Variants in OCIAD1 observed in about 807,000 individuals in gnomAD.
OCIAD1 encodes OCIA domain containing 1, also known as OCIA domain-containing protein 1.
OCIAD1 carries 29 observed loss-of-function variants against 38.9 expected under a neutral mutation model. The observed-to-expected ratio is 0.74, with a 90% CI of 0.55 to 1.02. OCIAD1 has a LOEUF of 1.02. OCIAD1 is among the 50% of genes least tolerant of loss of function. The pLI is 0.00. For synonymous variants in OCIAD1, 110 were observed against 92.0 expected (o/e 1.20, Z -1.12); for missense variants, 288 against 289.6 (o/e 0.99, Z 0.04).
intron 5 of OCIAD1, 105 bp downstream of exon 5, chr4:48,848,551 C>T: frequency 1.0e-5 from 5 of 489,914 alleles, no homozygotes; most frequent in Non-Finnish European, 3.6e-6. Flanking sequence ...TATGTGGTTA[C>T]ATGCTCTGAT....
intron 4 of OCIAD1, among the ~76,000 whole-genome samples, chr4:48,846,611 G>T (rs1778999492): frequency 6.6e-6 from 1 of 152,140 alleles, no homozygotes; most frequent in African/African-American, 2.4e-5. Context: ...AACTGGGCAT[G>T]GTGGTGTGCA....
rs1170438489 is a variant in OCIAD1 at position 48,857,363 on chromosome 4, A to T, written c.698A>T (p.Glu233Val). 2 of 1,543,038 alleles carry T rather than the reference A, an allele frequency of 1.3e-6. No homozygotes were observed. Among genetic ancestry groups the T allele is most frequent in the Admixed American group, 2.1e-5 (1 of 47,880 alleles). ...RPMHERVPKK[E>V]VKVNKYGDTW... is the part of the protein sequence containing the mutation. Reference sequence around the variant, plus strand: ...ATGCATGAAAGAGTGCCAAAAAAAGAAGGTATGATAGTTTAGTCTGAATCA... The same window carrying T: ...ATGCATGAAAGAGTGCCAAAAAAAGTAGGTATGATAGTTTAGTCTGAATCA... The change falls in exon 8 of 9, where the codon GAA becomes GTA. Residue 233 changes from glutamate (E) to valine (V), a missense_variant and splice_region_variant. Physicochemically the swap from Glu to Val is moderately radical, Grantham distance 121. Transcript: ENST00000264312.
chr4:48,810,870 ATTTTCTT>A (rs1305362817), intron 1 of OCIAD1, among the ~76,000 whole-genome samples: 1 of 143,434 alleles, frequency 7.0e-6, no homozygotes, highest in Non-Finnish European at 1.5e-5. Flanking sequence ...AGGAGTTGCA[ATTTTCTT>A]TTTTCTTTCT....
At chr4:48,852,331 G>A (rs541972002) in intron 7 of OCIAD1, 3 of 168,926 alleles carry the variant, frequency 1.8e-5, no homozygotes, top group African/African-American at 7.1e-5. Flanking sequence ...GATAAATCGT[G>A]TCTCAGGAAG....
intron 7 of OCIAD1, 188 bp from the exon 8 acceptor site, chr4:48,857,025 G>A (rs1780101533): frequency 6.0e-6 from 2 of 331,090 alleles, no homozygotes; most frequent in Non-Finnish European, 1.1e-5. Context: ...TAAAAATATG[G>A]GTGGAAGTAG....
chr4:48,859,309 A>G (rs1250259236), intron 8 of OCIAD1, among the ~76,000 whole-genome samples: 1 of 152,158 alleles, frequency 6.6e-6, no homozygotes, highest in African/African-American at 2.4e-5. Context: ...AACTGCATCT[A>G]GTGGCCATTG....
intron 6 of OCIAD1, 24 bp from the exon 7 acceptor site, chr4:48,851,779 TTAC>T (rs1779499061): frequency 7.4e-7 from 1 of 1,352,876 alleles, no homozygotes; most frequent in South Asian, 1.2e-5. Context: ...CTCATATTTC[TTAC>T]TACAATATGA....
intron 3 of OCIAD1, among the ~76,000 whole-genome samples, chr4:48,834,372 A>G (rs957665196): frequency 1.3e-5 from 2 of 152,210 alleles, no homozygotes; most frequent in African/African-American, 2.4e-5. Flanking sequence ...GGATTTCACC[A>G]TGTTGGCCAG....
chr4:48,861,052 C>A lies in OCIAD1; in HGVS notation c.*290C>A. 1 of 319,960 alleles carries A rather than the reference C, an allele frequency of 3.1e-6. No homozygotes were observed. The highest frequency in any genetic ancestry group is 5.7e-6 in the Non-Finnish European group (1 of 176,982). The allele number at this position is 319,960 out of a possible 1,614,324, so 19.8% of individuals were successfully genotyped here. On this transcript the variant is annotated 3_prime_UTR_variant, in exon 9 of 9. Transcript: ENST00000264312. Reference sequence around the variant, plus strand: ...GCAAAGATAACTCTTAAAAAACCGTCGAGATTACAATGCTCTAGAATCAGC... The same window carrying A: ...GCAAAGATAACTCTTAAAAAACCGTAGAGATTACAATGCTCTAGAATCAGC...
At chr4:48,848,335 T>C in intron 4 of OCIAD1, 64 bp from the exon 5 acceptor site, 1 of 774,656 alleles carries the variant, frequency 1.3e-6, no homozygotes, top group Admixed American at 2.1e-5. Context: ...TATTTAAAGA[T>C]AGCCTTTACT....
intron 5 of OCIAD1, among the ~76,000 whole-genome samples, chr4:48,848,966 TA>T (rs1239697713): frequency 1.3e-5 from 2 of 151,924 alleles, no homozygotes; most frequent in Non-Finnish European, 2.9e-5. Flanking sequence ...TATGCAGCCA[TA>T]AAAAAGGATG....
Position 48,860,913 on chromosome 4 carries a change from T to A in OCIAD1, c.*151T>A, listed in dbSNP as rs1458964475. 5 of 657,128 alleles carry A rather than the reference T, an allele frequency of 7.6e-6. No individual in the cohort carries two copies. In the Admixed American group the frequency reaches 8.5e-5, roughly 11 times the overall value. The allele number at this position is 657,128 out of a possible 1,614,324, so 40.7% of individuals were successfully genotyped here. On this transcript the variant is annotated 3_prime_UTR_variant, in exon 9 of 9. Transcript: ENST00000264312. Reference sequence around the variant, plus strand: ...TTGTGGTTTGACTTCTATGGTGTTTTAAAAAAACACAGATTTTTAGTGTTA... The same window carrying A: ...TTGTGGTTTGACTTCTATGGTGTTTAAAAAAAACACAGATTTTTAGTGTTA...
At chr4:48,807,826 C>G in intron 1 of OCIAD1, among the ~76,000 whole-genome samples, 1 of 152,140 alleles carries the variant, frequency 6.6e-6, no homozygotes, top group Non-Finnish European at 1.5e-5. Context: ...CTGCTTCAAA[C>G]GTGGGTGTTT....
At chr4:48,818,431 A>G (rs528278048) in intron 1 of OCIAD1, among the ~76,000 whole-genome samples, 6 of 152,342 alleles carry the variant, frequency 3.9e-5, no homozygotes, top group African/African-American at 1.4e-4. Flanking sequence ...CATCAGCCTC[A>G]AAGATCAAAG....
chr4:48,823,905 G>A (rs1272896036), intron 1 of OCIAD1, among the ~76,000 whole-genome samples: 2 of 128,240 alleles, frequency 1.6e-5, no homozygotes, highest in Non-Finnish European at 3.1e-5. Context: ...GGCCTCATGT[G>A]ATCCTTCTGC....
chr4:48,839,468 G>T (rs1217052684), intron 3 of OCIAD1, among the ~76,000 whole-genome samples: 3 of 151,152 alleles, frequency 2.0e-5, no homozygotes, highest in African/African-American at 7.3e-5. Flanking sequence ...GGACTCTGAG[G>T]CCTGATTGGC....
intron 4 of OCIAD1, among the ~76,000 whole-genome samples, chr4:48,847,949 A>G (rs1779108710): frequency 6.6e-6 from 1 of 152,120 alleles, no homozygotes; most frequent in African/African-American, 2.4e-5. Context: ...GAGAATTGCC[A>G]TCTTTAGAAT....
chr4:48,832,344 T>C (rs1201601384), intron 1 of OCIAD1, among the ~76,000 whole-genome samples: 3 of 152,208 alleles, frequency 2.0e-5, no homozygotes, highest in East Asian at 3.8e-4. Flanking sequence ...TTTATTGATA[T>C]CTTGATAGTA....
At chr4:48,834,147 A>C (rs185033590) in intron 3 of OCIAD1, among the ~76,000 whole-genome samples, 6 of 152,238 alleles carry the variant, frequency 3.9e-5, no homozygotes, top group African/African-American at 1.4e-4. Flanking sequence ...TTTCAGGTAA[A>C]AAGGAGGATG....
Sources: allele counts gnomAD v4.1 joint callset (sites outside exome capture counted in the v4.1 genomes callset), GRCh38; gene constraint gnomAD v4.1.1; transcripts MANE v1.5; gene names NCBI Gene and HGNC (gene_info 2026-07-23, HGNC 2026-07-21).